The following GRB10 variants were observed in gnomAD, a reference collection of about 807,000 sequenced individuals.
GRB10 encodes the protein growth factor receptor-bound protein 10.
Under a neutral mutation model 80.9 loss-of-function variants are expected in GRB10, and 20 were observed. The observed-to-expected ratio is 0.25, with a 90% CI of 0.17 to 0.36. The LOEUF (loss-of-function observed/expected upper bound fraction) is 0.36. GRB10 is among the 10% of genes least tolerant of loss of function. GRB10 has a pLI of 1.00. For synonymous variants in GRB10, 291 were observed against 291.5 expected (o/e 1.00, Z 0.02); for missense variants, 548 against 747.7 (o/e 0.73, Z 3.12).
chr7:50,685,138 A>G (rs1026359105), intron 5 of GRB10, among the ~76,000 whole-genome samples: 64 of 152,320 alleles, frequency 4.2e-4, no homozygotes, highest in African/African-American at 1.4e-3. Flanking sequence ...TAAATTTAAA[A>G]TCCATTCATT....
At chr7:50,632,412 A>G (rs562686115) in intron 7 of GRB10, among the ~76,000 whole-genome samples, 1 of 152,280 alleles carries the variant, frequency 6.6e-6, no homozygotes, top group South Asian at 2.1e-4. Flanking sequence ...TCAGCTCCCC[A>G]GGACGCAGCA....
chr7:50,758,944 G>C (rs2075415567), intron 2 of GRB10, among the ~76,000 whole-genome samples: 2 of 152,138 alleles, frequency 1.3e-5, no homozygotes, highest in Non-Finnish European at 2.9e-5. Context: ...CAACACTTTG[G>C]GAAGCCAAGG....
intron 5 of GRB10, among the ~76,000 whole-genome samples, chr7:50,681,382 C>T (rs2715131): frequency 0.76 from 115,840 of 152,174 alleles, 44,523 homozygotes; most frequent in East Asian, 0.91. Flanking sequence ...AGTCTTCCGG[C>T]CTCCTCTTAG....
Position 50,606,364 on chromosome 7 carries a change from G to A in GRB10, c.1245C>T (p.Ala415=). The change falls in exon 14 of 19, where the codon GCC becomes GCT. Residue 415 remains alanine, a synonymous_variant. Coordinates refer to ENST00000401949, the MANE Select transcript of GRB10 (RefSeq NM_001350814.2). The part of the protein sequence containing the change: ...QNYRIPQQRK[A]LLSPFSTPVR... ...CTGGCGTCGAGAACGGGGACAGCAA[G>A]GCCTTCCTCTGCTGAGGGATTCGGT... 6.2e-7 allele frequency: 1 copy of A among 1,614,076 alleles called. No homozygotes were observed. Among genetic ancestry groups the A allele is most frequent in the South Asian group, 1.1e-5 (1 of 91,086 alleles).
chr7:50,755,010 G>A (rs553860738), intron 3 of GRB10, among the ~76,000 whole-genome samples: 1 of 152,318 alleles, frequency 6.6e-6, no homozygotes, highest in African/African-American at 2.4e-5. Flanking sequence ...TGCAAGCCCA[G>A]GAGAGAGGCC....
chr7:50,622,190 G>A (rs1323650551), intron 8 of GRB10, among the ~76,000 whole-genome samples: 1 of 152,244 alleles, frequency 6.6e-6, no homozygotes, highest in East Asian at 1.9e-4. Context: ...GTGTGGATAA[G>A]GCCGTAAGTG....
rs1380366623 is a variant in GRB10, at chr7:50,660,234, G to A, written c.504+9488C>T. Among the ~76,000 whole-genome samples the A allele has an allele frequency of 2.0e-5, 3 of 152,120 alleles. No homozygotes were observed. In the East Asian group the frequency reaches 5.8e-4, roughly 29 times the overall value. ...CGTCCACAGGGGAAGTGGCAGGGAG[G>A]CGCAACTGCGGTGCCGCATTCAAAT... is the stretch of plus-strand genomic sequence containing the variant. On this transcript the variant is annotated intron_variant, in intron 7 of 18. Coordinates refer to ENST00000401949, the MANE Select transcript of GRB10 (RefSeq NM_001350814.2).
intron 2 of GRB10, among the ~76,000 whole-genome samples, chr7:50,774,505 G>A (rs2077371696): frequency 6.6e-6 from 1 of 152,154 alleles, no homozygotes; most frequent in Non-Finnish European, 1.5e-5. Context: ...GCAGAATGCA[G>A]AAGTGCAAAA....
At chr7:50,790,531 G>A (rs535874204) in intron 1 of GRB10, among the ~76,000 whole-genome samples, 2 of 152,362 alleles carry the variant, frequency 1.3e-5, no homozygotes, top group East Asian at 3.9e-4. Flanking sequence ...AGAAACAGAC[G>A]CGGGGATTAC....
intron 4 of GRB10, among the ~76,000 whole-genome samples, chr7:50,707,780 C>A (rs558096260): frequency 6.6e-6 from 1 of 152,196 alleles, no homozygotes; most frequent in Admixed American, 6.5e-5. Flanking sequence ...CTGCTCCAGG[C>A]CTGTCCTGCA....
chr7:50,619,913 G>A (rs1442664221), intron 8 of GRB10, among the ~76,000 whole-genome samples: 3 of 151,522 alleles, frequency 2.0e-5, no homozygotes, highest in African/African-American at 4.8e-5. Flanking sequence ...TCCAGCACCC[G>A]CTGTGGACAC....
chr7:50,736,489 T>A (rs551261711), intron 3 of GRB10, among the ~76,000 whole-genome samples: 1 of 152,046 alleles, frequency 6.6e-6, no homozygotes, highest in South Asian at 2.1e-4. Context: ...GACAGGCTTT[T>A]CAATAAATGA....
intron 11 of GRB10, 148 bp downstream of exon 11, chr7:50,616,062 C>G (rs2050579506): frequency 1.1e-6 from 1 of 882,676 alleles, no homozygotes. Flanking sequence ...CCAAGTTCAG[C>G]TGCTGCACAA....
rs183859368 is a variant in GRB10 at position 50,651,302 on chromosome 7, G to A, written c.504+18420C>T. ...AGATGCGAGCAGGTCTGATCCTCCC[G>A]AGGTCTGGAGGGAGAACCCACTTCT... On this transcript the variant is annotated intron_variant, in intron 7 of 18. Coordinates refer to ENST00000401949, the MANE Select transcript of GRB10 (RefSeq NM_001350814.2). Among the ~76,000 whole-genome samples, 112 of 152,288 alleles carry A rather than the reference G, an allele frequency of 7.4e-4. 4 individuals are homozygous for A. The East Asian group carries it at 9.8e-3, about 13-fold the overall frequency.
intron 2 of GRB10, among the ~76,000 whole-genome samples, chr7:50,761,260 T>G (rs971614395): frequency 6.6e-6 from 1 of 152,178 alleles, no homozygotes; most frequent in African/African-American, 2.4e-5. Flanking sequence ...ATTTCTACCA[T>G]AAGGAAAAAA....
At chr7:50,600,844 G>A (rs1449449673) in intron 17 of GRB10, among the ~76,000 whole-genome samples, 2 of 152,170 alleles carry the variant, frequency 1.3e-5, no homozygotes, top group African/African-American at 4.8e-5. Context: ...AGGGACTCTG[G>A]TGATACTTCA....
chr7:50,728,214 TGGG>T (rs10538509), intron 4 of GRB10, among the ~76,000 whole-genome samples: 7 of 148,906 alleles, frequency 4.7e-5, no homozygotes, highest in East Asian at 2.0e-4. Flanking sequence ...AGCCAAAGTA[TGGG>T]GGGGGGGTGT....
chr7:50,746,616 C>T (rs2072952455), intron 3 of GRB10, among the ~76,000 whole-genome samples: 1 of 152,180 alleles, frequency 6.6e-6, no homozygotes, highest in Admixed American at 6.5e-5. Flanking sequence ...CAGACCCTCC[C>T]TGCTGTGCTG....
In GRB10 at chr7:50,614,755, A is replaced by G; in HGVS notation, c.1095+15T>C. The G allele has an allele frequency of 6.4e-7, 1 of 1,561,700 alleles. No homozygotes were observed. Among genetic ancestry groups the G allele is most frequent in the South Asian group, 1.1e-5 (1 of 90,114 alleles). On this transcript the variant is annotated intron_variant, in intron 12 of 18. Coordinates refer to ENST00000401949, the MANE Select transcript of GRB10 (RefSeq NM_001350814.2). ...TGCTGAGCATGCGCGCCGTCTGTGG[A>G]CAGCTCGTGGGTACCTTTATGCAGA...
Sources: gnomAD v4.1 joint callset for allele counts (sites outside exome capture counted in the v4.1 genomes callset) on GRCh38, gnomAD v4.1.1 for gene constraint, MANE v1.5 for transcripts, NCBI Gene and HGNC (gene_info 2026-07-23, HGNC 2026-07-21) for gene names.